Variants in ST14 observed in about 807,000 individuals in gnomAD.
ST14 encodes suppressor of tumorigenicity 14 protein.
A neutral mutation model predicts 96.5 loss-of-function variants in ST14; 40 were observed. The observed-to-expected ratio is 0.41, with a 90% confidence interval of 0.32 to 0.54. The LOEUF (loss-of-function observed/expected upper bound fraction) is 0.54. Among genes scored for constraint, ST14 ranks in the 20% least tolerant of loss-of-function variants. ST14 has a pLI of 0.17. For synonymous variants in ST14, 506 were observed against 492.1 expected, an observed-to-expected ratio of 1.03 and a Z score of -0.37; for missense variants, 1,066 against 1,188.9, an observed-to-expected ratio of 0.90 and a Z score of 1.52.
chr11:130,175,341 CTCTTT>C (rs933913430), intron 1 of ST14, among the ~76,000 whole-genome samples: 1 of 151,820 alleles, frequency 6.6e-6, no homozygotes, highest in Non-Finnish European at 1.5e-5. Flanking sequence ...TGGAATATCA[CTCTTT>C]TCTTTTCTTT....
intron 1 of ST14, among the ~76,000 whole-genome samples, chr11:130,172,972 G>A (rs951437665): frequency 2.0e-5 from 3 of 152,210 alleles, no homozygotes; most frequent in Non-Finnish European, 4.4e-5. Flanking sequence ...AGGACTGCCT[G>A]ACACAACTCT....
intron 17 of ST14, 56 bp downstream of exon 17, chr11:130,208,740 C>T: frequency 6.4e-7 from 1 of 1,564,800 alleles, no homozygotes; most frequent in East Asian, 2.3e-5. Flanking sequence ...TTCTCCAAGG[C>T]CGTGTTTCCT....
intron 1 of ST14, among the ~76,000 whole-genome samples, chr11:130,173,543 C>G (rs1041226857): frequency 6.6e-6 from 1 of 150,956 alleles, no homozygotes; most frequent in African/African-American, 2.4e-5. Flanking sequence ...TTGTGGTGAG[C>G]TAAGATGGTG....
intron 1 of ST14, among the ~76,000 whole-genome samples, chr11:130,171,221 A>C (rs1380403586): frequency 6.6e-6 from 1 of 152,202 alleles, no homozygotes; most frequent in Non-Finnish European, 1.5e-5. Flanking sequence ...ACCATCCCAT[A>C]AGTTAGGCTG....
At position 130,189,725 on chromosome 11, in the gene ST14, C is replaced by G. The variant is rs998974498; in HGVS notation, c.441-14C>G. The G allele has an allele frequency of 6.2e-7, 1 of 1,609,658 alleles. No individual in the cohort carries two copies. Among genetic ancestry groups the G allele is most frequent in the South Asian group, 1.1e-5 (1 of 91,086 alleles). Reference sequence around the variant, plus strand: ...GGCCCAGAGCTCCGCCTCAGGCTCCCGCTCTCTCCCCAGCGAGGGCAGCGT... The same window carrying G: ...GGCCCAGAGCTCCGCCTCAGGCTCCGGCTCTCTCCCCAGCGAGGGCAGCGT... On this transcript the variant is annotated splice_polypyrimidine_tract_variant and intron_variant, in intron 4 of 18. Coordinates refer to ENST00000278742, the MANE Select transcript of ST14 (RefSeq NM_021978.4).
In ST14 at chr11:130,190,685, C is replaced by T. The variant is rs372533634; in HGVS notation, c.866C>T (p.Ala289Val). 5 of 1,586,672 alleles carry T rather than the reference C, an allele frequency of 3.2e-6. No homozygotes were observed. The highest frequency in any genetic ancestry group is 4.3e-6 in the Non-Finnish European group (5 of 1,167,398). Residue 289 changes from alanine (A) to valine (V), a missense_variant, in exon 7 of 19, where the codon GCC becomes GTC. Physicochemically the swap from Ala to Val is moderately conservative, Grantham distance 64. Transcript: ENST00000278742. ...YNTLSPMEPH[A>V]LVQLCGTYPP... ...ACCCTGAGCCCCATGGAGCCCCACG[C>T]CCTGGTGCAGTGAGTACCCCGGGGG...
At chr11:130,171,896 T>C (rs1038509274) in intron 1 of ST14, among the ~76,000 whole-genome samples, 6 of 152,334 alleles carry the variant, frequency 3.9e-5, no homozygotes, top group Middle Eastern at 3.4e-3. Context: ...AAAGGGTTAA[T>C]GAACCAGTCC....
chr11:130,172,109 T>C (rs1457713087), intron 1 of ST14, among the ~76,000 whole-genome samples: 1 of 151,874 alleles, frequency 6.6e-6, no homozygotes, highest in Non-Finnish European at 1.5e-5. Context: ...TGTTTTTTTG[T>C]TTCTTTTGGT....
chr11:130,206,144 G>T (rs1953484761), intron 16 of ST14, among the ~76,000 whole-genome samples: 1 of 152,076 alleles, frequency 6.6e-6, no homozygotes, highest in Non-Finnish European at 1.5e-5. Flanking sequence ...TGACATTTTT[G>T]AAAAGTTCGG....
rs116956726 is a variant in ST14 at position 130,209,679 on chromosome 11, C to T, written c.2424C>T (p.Pro808=). 0.013 allele frequency: 20,834 copies of T among 1,613,120 alleles called. 174 individuals are homozygous for T. Among genetic ancestry groups the T allele is most frequent in the South Asian group, 0.02 (1,786 of 91,056 alleles). Residue 808 remains proline, a synonymous_variant, in exon 19 of 19, where the codon CCC becomes CCT. Coordinates refer to ENST00000278742, the MANE Select transcript of ST14 (RefSeq NM_021978.4). ...CCGCCCAGGGTGATTCCGGGGGACC[C>T]CTGTCCAGCGTGGAGGCGGATGGGC... ...VDSCQGDSGG[P]LSSVEADGRI...
chr11:130,182,648 A>G (rs1272525318), intron 1 of ST14, among the ~76,000 whole-genome samples: 4 of 145,508 alleles, frequency 2.7e-5, no homozygotes, highest in Non-Finnish European at 6.0e-5. Flanking sequence ...CTTTTGTTAA[A>G]TATCTTTTTT....
chr11:130,170,173 G>A (rs1460917757), intron 1 of ST14, among the ~76,000 whole-genome samples: 2 of 152,270 alleles, frequency 1.3e-5, no homozygotes, highest in East Asian at 3.9e-4. Flanking sequence ...GGGGCCTGAG[G>A]ACAGTGGGTG....
chr11:130,182,698 G>A (rs924850796), intron 1 of ST14, among the ~76,000 whole-genome samples: 3 of 150,550 alleles, frequency 2.0e-5, no homozygotes, highest in African/African-American at 4.9e-5. Flanking sequence ...TGCCCAGGCT[G>A]GAGTGCAGTG....
chr11:130,198,968 A>G lies in ST14; in HGVS notation c.1706A>G (p.Lys569Arg), dbSNP rs749228401. Residue 569 changes from lysine to arginine, a missense_variant, in exon 15 of 19, where the codon AAA (lysine) becomes AGA (arginine). Coordinates refer to ENST00000278742, the MANE Select transcript of ST14 (RefSeq NM_021978.4). ...ACAGTGAACGTCGTCACTTGTACCA[A>G]ACACACCTACCGCTGCCTCAATGGG... ...CPKVNVVTCT[K>R]HTYRCLNGLC... is the part of the protein sequence containing the mutation. The G allele has an allele frequency of 1.9e-6, 3 of 1,613,994 alleles. No individual in the cohort carries two copies. In the South Asian group the frequency reaches 3.3e-5, roughly 18 times the overall value.
At chr11:130,176,415 G>T (rs1013089374) in intron 1 of ST14, among the ~76,000 whole-genome samples, 11 of 149,820 alleles carry the variant, frequency 7.3e-5, no homozygotes, top group Non-Finnish European at 1.5e-4. Flanking sequence ...TTCAGACAGA[G>T]TCTCGCTGTG....
Position 130,191,668 on chromosome 11 carries a change from C to T in ST14, c.875+974C>T, listed in dbSNP as rs559445220. ...TCGTACCACTACACTCCAGCCTGGG[C>T]AACAGAGCGAGACTCTGTCTCAAAA... On this transcript the variant is annotated intron_variant, in intron 7 of 18. Coordinates refer to ENST00000278742, the MANE Select transcript of ST14 (RefSeq NM_021978.4). Among the ~76,000 whole-genome samples the T allele has an allele frequency of 1.4e-4, 17 of 124,240 alleles. No individual in the cohort carries two copies. In the East Asian group the frequency reaches 1.4e-3, roughly 10 times the overall value. 81.5% of individuals were successfully genotyped at this position (124,240 alleles called of 152,430 possible). A position where few individuals can be genotyped will look rare whatever the true frequency, so the allele number is the denominator to read the frequency against.
intron 15 of ST14, among the ~76,000 whole-genome samples, chr11:130,199,290 C>T (rs886952759): frequency 3.3e-5 from 5 of 152,230 alleles, no homozygotes; most frequent in Admixed American, 6.5e-5. Context: ...GTACGGCCAG[C>T]ATCTCAGCGC....
Position 130,209,802 on chromosome 11 carries a change from C to G in ST14, c.2547C>G (p.Ile849Met), listed in dbSNP as rs748390284. Reference protein sequence around the residue: ...YTRLPLFRDWIKENTGV With the variant: ...YTRLPLFRDWMKENTGV ...GGCTCCCTCTGTTTCGGGACTGGAT[C>G]AAAGAGAACACTGGGGTATAGGGGC... Residue 849 changes from isoleucine to methionine, a missense_variant, in exon 19 of 19, where the codon ATC (isoleucine) becomes ATG (methionine). Ile to Met is a conservative substitution (Grantham distance 10, BLOSUM62 1). Transcript: ENST00000278742. 2.5e-6 allele frequency: 4 copies of G among 1,614,040 alleles called. No individual in the cohort carries two copies. Among genetic ancestry groups the G allele is most frequent in the Non-Finnish European group, 3.4e-6 (4 of 1,180,032 alleles).
chr11:130,167,725 T>G (rs1174768171), intron 1 of ST14, among the ~76,000 whole-genome samples: 2 of 152,070 alleles, frequency 1.3e-5, no homozygotes, highest in South Asian at 2.1e-4. Context: ...ACTATTTTTT[T>G]TTTTTCTGAG....
Sources: gnomAD v4.1 joint callset for allele counts (sites outside exome capture counted in the v4.1 genomes callset) on GRCh38, gnomAD v4.1.1 for gene constraint, MANE v1.5 for transcripts, NCBI Gene and HGNC (gene_info 2026-07-23, HGNC 2026-07-21) for gene names.